Variants in ABCD2 observed in about 807,000 individuals in gnomAD.
The protein encoded by ABCD2 is ATP binding cassette subfamily D member 2, also known as ATP-binding cassette sub-family D member 2.
ABCD2 carries 36 observed loss-of-function variants against 70.9 expected under a neutral mutation model. The observed-to-expected ratio is 0.51, with a 90% CI of 0.39 to 0.67. The LOEUF (loss-of-function observed/expected upper bound fraction) is 0.67, where lower values mean the gene tolerates loss of function less well. Among genes scored for constraint, ABCD2 ranks in the 30% least tolerant of loss-of-function variants. ABCD2 has a pLI of 0.00. For missense variants in ABCD2, 729 were observed against 890.2 expected (o/e 0.82, Z 2.30); for synonymous variants, 304 against 306.9 (o/e 0.99, Z 0.10).
intron 9 of ABCD2, among the ~76,000 whole-genome samples, chr12:39,567,319 A>G (rs923611518): frequency 1.3e-5 from 2 of 152,114 alleles, no homozygotes; most frequent in African/African-American, 4.8e-5. Context: ...GTGCTTCTGT[A>G]TTGGGTGCAT....
intron 9 of ABCD2, among the ~76,000 whole-genome samples, chr12:39,570,604 T>G (rs1941434130): frequency 6.6e-6 from 1 of 152,166 alleles, no homozygotes. Context: ...AAGACTTCAA[T>G]GCAAGACCTG....
intron 6 of ABCD2, among the ~76,000 whole-genome samples, chr12:39,592,648 T>C (rs920263492): frequency 6.6e-5 from 10 of 152,216 alleles, no homozygotes; most frequent in African/African-American, 1.9e-4. Context: ...TACATACACA[T>C]TGGCACAGTA....
At position 39,578,392 on chromosome 12, in the gene ABCD2, T is replaced by G. The variant is rs1941549698; in HGVS notation, c.1877+1143A>C. 2.7e-5 allele frequency among the ~76,000 whole-genome samples: 4 copies of G among 147,326 alleles called. No individual in the cohort carries two copies. The Admixed American group carries it at 2.8e-4, about 10-fold the overall frequency. On this transcript the variant is annotated intron_variant, in intron 8 of 9. Transcript: ENST00000308666. Reference sequence around the variant, plus strand: ...AGGAGGCTGAGGCAGGAGAATGACGTGAACCCGGGAGGCGGAGCTTGCAGT... The same window carrying G: ...AGGAGGCTGAGGCAGGAGAATGACGGGAACCCGGGAGGCGGAGCTTGCAGT...
chr12:39,554,084 C>T lies in ABCD2; in HGVS notation c.2051G>A (p.Arg684His), dbSNP rs779301167. 8.4e-5 allele frequency: 135 copies of T among 1,613,448 alleles called. No homozygotes were observed. In the African/African-American group the frequency reaches 8.5e-4, roughly 10 times the overall value. ...LLQFDGEGGW[R>H]FEQLDTAIRL... is the part of the protein sequence containing the mutation. The stretch of plus-strand genomic sequence containing the variant: ...GATAGCAGTATCCAATTGTTCAAAG[C>T]GCCAACCTCCTTCACCATCAAACTG... Residue 684 changes from arginine to histidine, a missense_variant, in exon 10 of 10, where the codon CGC becomes CAC. Physicochemically the swap from Arg to His is conservative, Grantham distance 29 (BLOSUM62 0). Coordinates refer to ENST00000308666, the MANE Select transcript of ABCD2 (RefSeq NM_005164.4).
chr12:39,591,817 A>T (rs1165659005), intron 6 of ABCD2, among the ~76,000 whole-genome samples: 4 of 152,202 alleles, frequency 2.6e-5, no homozygotes, highest in Non-Finnish European at 4.4e-5. Context: ...ATTTATCATT[A>T]TATCAGATTA....
chr12:39,579,495 C>T (rs1252351148), intron 8 of ABCD2, 40 bp downstream of exon 8: 1 of 1,456,110 alleles, frequency 6.9e-7, no homozygotes, highest in East Asian at 2.3e-5. Flanking sequence ...GGTTTGGTTA[C>T]AACAATGGCC....
chr12:39,607,019 A>C (rs1470545405), intron 3 of ABCD2, among the ~76,000 whole-genome samples: 2 of 152,224 alleles, frequency 1.3e-5, no homozygotes, highest in Non-Finnish European at 2.9e-5. Context: ...TGAGATGGAC[A>C]CAAAACAGGA....
intron 2 of ABCD2, 21 bp from the exon 3 acceptor site, chr12:39,607,735 C>T (rs778717230): frequency 3.4e-6 from 3 of 893,408 alleles, no homozygotes; most frequent in East Asian, 3.1e-5. Context: ...AAACAAATTA[C>T]AAAACTTGAG....
At chr12:39,572,978 T>G (rs879774331) in intron 9 of ABCD2, among the ~76,000 whole-genome samples, 5 of 152,186 alleles carry the variant, frequency 3.3e-5, no homozygotes, top group African/African-American at 1.2e-4. Flanking sequence ...ATGAGAGCCG[T>G]GTGCTGTAGT....
chr12:39,608,392 T>G (rs971237105), intron 2 of ABCD2, among the ~76,000 whole-genome samples: 1 of 151,876 alleles, frequency 6.6e-6, no homozygotes, highest in African/African-American at 2.4e-5. Context: ...GGAGCAATAA[T>G]GTACTACTGG....
chr12:39,532,986 C>T, the ABCD2 span, among the ~76,000 whole-genome samples: 6,198 of 151,574 alleles, frequency 0.041, 424 homozygotes, highest in African/African-American at 0.14. Flanking sequence ...GGCAAATCCC[C>T]GTCTCTACTG....
intron 6 of ABCD2, among the ~76,000 whole-genome samples, chr12:39,598,266 G>C (rs938291969): frequency 6.6e-6 from 1 of 152,102 alleles, no homozygotes; most frequent in African/African-American, 2.4e-5. Context: ...AATACAGGGG[G>C]ATTATTGTAA....
chr12:39,594,818 A>G lies in ABCD2; in HGVS notation c.1646+5753T>C, dbSNP rs767070625. Among the ~76,000 whole-genome samples, 61 of 152,044 alleles carry G rather than the reference A, an allele frequency of 4.0e-4. 1 individual carries two copies. Among genetic ancestry groups the G allele is most frequent in the Non-Finnish European group, 6.2e-4 (42 of 67,996 alleles). Reference sequence around the variant, plus strand: ...ATGAAACCCCAACTCTACTAAAAATACAAAAATTCTCTGGGTTTCGTGGTG... The same window carrying G: ...ATGAAACCCCAACTCTACTAAAAATGCAAAAATTCTCTGGGTTTCGTGGTG... On this transcript the variant is annotated intron_variant, in intron 6 of 9. Coordinates refer to ENST00000308666, the MANE Select transcript of ABCD2 (RefSeq NM_005164.4).
At chr12:39,575,464 C>T (rs1941503171) in intron 8 of ABCD2, among the ~76,000 whole-genome samples, 1 of 152,114 alleles carries the variant, frequency 6.6e-6, no homozygotes, top group Non-Finnish European at 1.5e-5. Flanking sequence ...GATTTGCTTT[C>T]CTTTTTGCTT....
At chr12:39,535,727 C>A in the ABCD2 span, among the ~76,000 whole-genome samples, 1 of 152,158 alleles carries the variant, frequency 6.6e-6, no homozygotes, top group Non-Finnish European at 1.5e-5. Context: ...CTAAAATATA[C>A]ACAAACTATG....
intron 9 of ABCD2, among the ~76,000 whole-genome samples, chr12:39,567,284 CTG>C (rs943781439): frequency 2.0e-5 from 3 of 152,158 alleles, no homozygotes; most frequent in African/African-American, 4.8e-5. Context: ...TTCTAGGTCT[CTG>C]AGGACTTGCT....
intron 7 of ABCD2, among the ~76,000 whole-genome samples, chr12:39,584,835 C>T (rs919405671): frequency 2.0e-5 from 3 of 151,996 alleles, no homozygotes; most frequent in South Asian, 4.2e-4. Flanking sequence ...TGTAGATGTG[C>T]GGCCTTATTT....
intron 5 of ABCD2, among the ~76,000 whole-genome samples, chr12:39,602,503 C>A (rs1174300813): frequency 6.6e-6 from 1 of 151,988 alleles, no homozygotes; most frequent in East Asian, 1.9e-4. Context: ...GAGATCCTTT[C>A]CTCTAGAAAC....
At chr12:39,533,796 A>G in the ABCD2 span, among the ~76,000 whole-genome samples, 18 of 152,348 alleles carry the variant, frequency 1.2e-4, no homozygotes, top group African/African-American at 4.3e-4. Flanking sequence ...AAAACTATTC[A>G]CAGCATCTTT....
Sources: gnomAD v4.1 joint callset for allele counts (sites outside exome capture counted in the v4.1 genomes callset) on GRCh38, gnomAD v4.1.1 for gene constraint, MANE v1.5 for transcripts, NCBI Gene and HGNC (gene_info 2026-07-23, HGNC 2026-07-21) for gene names.